The following ABHD17C variants were observed in gnomAD, a reference collection of about 807,000 sequenced individuals.
ABHD17C encodes alpha/beta hydrolase domain-containing protein 17C.
In ABHD17C, 11 loss-of-function variants were observed where a neutral mutation model predicts 27.9. That is an observed-to-expected ratio of 0.39 (90% CI 0.25 to 0.65). The LOEUF is 0.65. Among genes scored for constraint, ABHD17C ranks in the 30% least tolerant of loss-of-function variants. The pLI, the probability that ABHD17C is intolerant of heterozygous loss-of-function variation, is 0.45. For synonymous variants in ABHD17C, 233 were observed against 209.1 expected, an observed-to-expected ratio of 1.11 and a Z score of -0.98; for missense variants, 280 against 470.2, an observed-to-expected ratio of 0.60 and a Z score of 3.74.
intron 1 of ABHD17C, among the ~76,000 whole-genome samples, chr15:80,729,997 T>C (rs542093211): frequency 6.6e-6 from 1 of 152,016 alleles, no homozygotes; most frequent in Non-Finnish European, 1.5e-5. Context: ...TGCGTGCCTA[T>C]AATCCCAGCC....
rs565394106 is a variant in ABHD17C at position 80,712,955 on chromosome 15, A to G, written c.590+16936A>G. Among the ~76,000 whole-genome samples the G allele has an allele frequency of 3.2e-4, 49 of 152,330 alleles. No individual in the cohort carries two copies. In the South Asian group the frequency reaches 9.9e-3, roughly 31 times the overall value. On this transcript the variant is annotated intron_variant, in intron 1 of 2. Transcript: ENST00000258884. Reference sequence around the variant, plus strand: ...AAAAATCTCAAATTATATACAATGTACAGAAAATATTAAGCTAAATTCCAT... The same window carrying G: ...AAAAATCTCAAATTATATACAATGTGCAGAAAATATTAAGCTAAATTCCAT...
At chr15:80,715,910 A>G (rs1405171273) in intron 1 of ABHD17C, among the ~76,000 whole-genome samples, 1 of 152,070 alleles carries the variant, frequency 6.6e-6, no homozygotes, top group Admixed American at 6.6e-5. Context: ...GTCTTTCCCT[A>G]TTTGACCTGA....
At chr15:80,706,404 A>T (rs1297373899) in intron 1 of ABHD17C, among the ~76,000 whole-genome samples, 1 of 152,232 alleles carries the variant, frequency 6.6e-6, no homozygotes, top group African/African-American at 2.4e-5. Context: ...AGAGGAGCCT[A>T]ACCTCAAGCT....
At chr15:80,696,109 G>A in intron 1 of ABHD17C, 90 bp downstream of exon 1, 2 of 1,335,910 alleles carry the variant, frequency 1.5e-6, no homozygotes, top group South Asian at 2.6e-5. Flanking sequence ...CCTGCCAGGA[G>A]AGGGGCCCCT....
intron 2 of ABHD17C, 90 bp downstream of exon 2, chr15:80,749,782 T>G: frequency 2.1e-6 from 3 of 1,422,544 alleles, no homozygotes; most frequent in Non-Finnish European, 2.9e-6. Flanking sequence ...AAATATTTAT[T>G]GAATGCAGCC....
At position 80,755,556 on chromosome 15, in the gene ABHD17C, T is replaced by A. The variant is rs3825793; in HGVS notation, c.*1186T>A. 15,498 of 152,166 alleles carry A rather than the reference T, an allele frequency of 0.1. 996 individuals carry two copies. The highest frequency in any genetic ancestry group is 0.19 in the South Asian group (919 of 4,816). The allele number at this position is 152,166 out of a possible 1,614,324, so 9.4% of individuals were successfully genotyped here. On this transcript the variant is annotated 3_prime_UTR_variant, in exon 3 of 3. Transcript: ENST00000258884. Reference sequence around the variant, plus strand: ...CAACTGGACTGCGGTTGATTGCCAGTTTGTGTACTGTTGCTTGGATGCGGC... The same window carrying A: ...CAACTGGACTGCGGTTGATTGCCAGATTGTGTACTGTTGCTTGGATGCGGC...
At chr15:80,750,498 G>A (rs553594433) in intron 2 of ABHD17C, among the ~76,000 whole-genome samples, 2 of 152,226 alleles carry the variant, frequency 1.3e-5, no homozygotes, top group African/African-American at 4.8e-5. Flanking sequence ...AAGAAGACAC[G>A]GTTTTAGGGT....
At chr15:80,738,882 T>C (rs1895169431) in intron 1 of ABHD17C, among the ~76,000 whole-genome samples, 1 of 152,182 alleles carries the variant, frequency 6.6e-6, no homozygotes, top group Admixed American at 6.5e-5. Flanking sequence ...TTAACAAATA[T>C]TTATCATATA....
intron 1 of ABHD17C, among the ~76,000 whole-genome samples, chr15:80,716,327 C>T (rs1378483894): frequency 1.3e-5 from 2 of 152,178 alleles, no homozygotes; most frequent in Admixed American, 1.3e-4. Context: ...CCTAATTCCA[C>T]AGACTAAGCT....
intron 1 of ABHD17C, among the ~76,000 whole-genome samples, chr15:80,703,771 A>G (rs1894606203): frequency 1.3e-5 from 2 of 152,196 alleles, no homozygotes; most frequent in South Asian, 4.1e-4. Flanking sequence ...GGAATGTTAG[A>G]AAAGATTTTT....
chr15:80,695,725 A>G lies in ABHD17C; in HGVS notation c.296A>G (p.Tyr99Cys). ...LHLSERADWQ[Y>C]SQRELDAVEV... ...CTCAGCGAGCGCGCCGACTGGCAGT[A>G]CTCGCAGCGCGAGCTGGACGCCGTC... Residue 99 changes from tyrosine to cysteine, a missense_variant, in exon 1 of 3, where the codon TAC becomes TGC. Coordinates refer to ENST00000258884, the MANE Select transcript of ABHD17C (RefSeq NM_021214.2). The surrounding 1 kb of genome is among the most constrained non-coding windows in gnomAD (Gnocchi z 4.3). 1 of 1,533,522 alleles carries G rather than the reference A, an allele frequency of 6.5e-7. No homozygotes were observed. The highest frequency in any genetic ancestry group is 8.7e-7 in the Non-Finnish European group (1 of 1,146,200). The allele number at this position is 1,533,522 out of a possible 1,614,324, so 95.0% of individuals were successfully genotyped here.
intron 1 of ABHD17C, among the ~76,000 whole-genome samples, chr15:80,725,812 TTTTGTTTGTTTGTTTG>T (rs74801112): frequency 6.6e-6 from 1 of 151,008 alleles, no homozygotes; most frequent in East Asian, 2.0e-4. Flanking sequence ...ACCAGCAGTT[TTTTGTTTGTTTGTTTG>T]TTTGTTTGTT....
intron 1 of ABHD17C, among the ~76,000 whole-genome samples, chr15:80,715,567 G>A (rs984255677): frequency 3.9e-5 from 6 of 152,192 alleles, no homozygotes; most frequent in African/African-American, 1.4e-4. Flanking sequence ...AAACTGAAAG[G>A]AATGAGGGAA....
chr15:80,704,105 A>G (rs989135762), intron 1 of ABHD17C, among the ~76,000 whole-genome samples: 1 of 152,224 alleles, frequency 6.6e-6, no homozygotes, highest in African/African-American at 2.4e-5. Flanking sequence ...GGAGAGTGCT[A>G]TAGATGGTTT....
intron 1 of ABHD17C, among the ~76,000 whole-genome samples, chr15:80,731,021 C>G (rs1446666570): frequency 6.6e-6 from 1 of 152,050 alleles, no homozygotes; most frequent in Admixed American, 6.5e-5. Flanking sequence ...ACTTCAAGGC[C>G]TTATTTTAGA....
Position 80,754,258 on chromosome 15 carries a change from G to A in ABHD17C, c.878G>A (p.Arg293Gln), listed in dbSNP as rs1895404884. 7 of 1,613,904 alleles carry A rather than the reference G, an allele frequency of 4.3e-6. No individual in the cohort carries two copies. Among genetic ancestry groups the A allele is most frequent in the Non-Finnish European group, 5.9e-6 (7 of 1,179,882 alleles). The change falls in exon 3 of 3, where the codon CGA becomes CAA. Residue 293 changes from arginine (R) to glutamine (Q), a missense_variant. Arg to Gln is a conservative substitution (Grantham distance 43). Coordinates refer to ENST00000258884, the MANE Select transcript of ABHD17C (RefSeq NM_021214.2). Reference sequence around the variant, plus strand: ...CTAGCGATGTACGAGCGCTGTCCCCGAGCCGTGGAGCCCCTTTGGGTTGAA... The same window carrying A: ...CTAGCGATGTACGAGCGCTGTCCCCAAGCCGTGGAGCCCCTTTGGGTTGAA... ...HGLAMYERCP[R>Q]AVEPLWVEGA...
intron 1 of ABHD17C, among the ~76,000 whole-genome samples, chr15:80,714,722 C>CA (rs1470522368): frequency 6.6e-6 from 1 of 152,144 alleles, no homozygotes; most frequent in East Asian, 1.9e-4. Flanking sequence ...AAAACACACA[C>CA]AGACACGCAC....
rs111400465 is a variant in ABHD17C at position 80,717,798 on chromosome 15, C to A, written c.590+21779C>A. On this transcript the variant is annotated intron_variant, in intron 1 of 2. Transcript: ENST00000258884. ...ATTAGGATTGAACCAGAGTAGGAAG[C>A]CGAACCTTCTCCCCTGGACTAGGTT... Among the ~76,000 whole-genome samples, 1,263 of 152,208 alleles carry A rather than the reference C, an allele frequency of 8.3e-3. 36 individuals carry two copies. Among genetic ancestry groups the A allele is most frequent in the Middle Eastern group, 0.034 (10 of 294 alleles).
intron 1 of ABHD17C, among the ~76,000 whole-genome samples, chr15:80,736,427 T>G (rs1412962192): frequency 6.6e-6 from 1 of 152,266 alleles, no homozygotes; most frequent in East Asian, 1.9e-4. Flanking sequence ...GGCAAAAGTA[T>G]TCCACATGAC....
Sources: allele counts gnomAD v4.1 joint callset (sites outside exome capture counted in the v4.1 genomes callset), GRCh38; gene constraint gnomAD v4.1.1; non-coding constraint Gnocchi (gnomAD v3.1); transcripts MANE v1.5; gene names NCBI Gene and HGNC (gene_info 2026-07-23, HGNC 2026-07-21).